The following RASSF4 variants were observed in gnomAD, a reference collection of about 807,000 sequenced individuals.
The protein encoded by RASSF4 is ras association domain-containing protein 4.
In RASSF4, 38 loss-of-function variants were observed where a neutral mutation model predicts 41.1. The ratio of observed to expected loss-of-function variants is 0.92; its 90% CI spans 0.71 to 1.21. RASSF4 has a LOEUF of 1.21. Among genes scored for constraint, RASSF4 ranks in the 50% most tolerant of loss-of-function variants. The pLI, the probability that RASSF4 is intolerant of heterozygous loss-of-function variation, is 0.00. For missense variants in RASSF4, 414 were observed against 419.4 expected (o/e 0.99, Z 0.11); for synonymous variants, 179 against 163.4 (o/e 1.10, Z -0.73).
At chr10:44,973,853 G>A (rs1272467300) in intron 3 of RASSF4, among the ~76,000 whole-genome samples, 1 of 152,232 alleles carries the variant, frequency 6.6e-6, no homozygotes, top group Non-Finnish European at 1.5e-5. Context: ...CTCGGGCTGG[G>A]AAGAGGTGTT....
At chr10:44,991,271 G>C (rs1842101944) in intron 9 of RASSF4, 1 of 447,962 alleles carries the variant, frequency 2.2e-6, no homozygotes. Flanking sequence ...GCAGCTTAGG[G>C]GAAAGAAGAA....
intron 3 of RASSF4, chr10:44,977,497 C>A (rs757466995): frequency 4.3e-6 from 7 of 1,613,248 alleles, no homozygotes; most frequent in Non-Finnish European, 5.9e-6. Context: ...GCCCAAAAGT[C>A]CAGCTTCTTA....
chr10:44,993,852 A>G lies in RASSF4; in HGVS notation c.*523A>G, dbSNP rs912078384. ...AGTGTCCCCGGCTTCTAAGCCTCCAATATCACCCTGTGAGCCTCGCACAGC... is the reference window on the plus strand; with the variant it reads ...AGTGTCCCCGGCTTCTAAGCCTCCAGTATCACCCTGTGAGCCTCGCACAGC... On this transcript the variant is annotated 3_prime_UTR_variant, in exon 11 of 11. Transcript: ENST00000340258. 13 of 156,264 alleles carry G rather than the reference A, an allele frequency of 8.3e-5. 1 individual carries two copies. Among genetic ancestry groups the G allele is most frequent in the Admixed American group, 6.2e-4 (10 of 16,220 alleles). 9.7% of individuals were successfully genotyped at this position (156,264 alleles called of 1,614,324 possible). A position where few individuals can be genotyped will look rare whatever the true frequency, so the allele number is the denominator to read the frequency against.
chr10:44,974,019 G>T (rs532135824), intron 3 of RASSF4, among the ~76,000 whole-genome samples: 296 of 152,188 alleles, frequency 1.9e-3, no homozygotes, highest in African/African-American at 6.7e-3. Context: ...TACCGGTACC[G>T]GCCTGAAGAA....
rs1049272426 is a variant in RASSF4 at position 44,982,621 on chromosome 10, T to C, written c.239T>C (p.Leu80Pro). 1.2e-6 allele frequency: 2 copies of C among 1,612,980 alleles called. No individual in the cohort carries two copies. Among genetic ancestry groups the C allele is most frequent in the African/African-American group, 1.3e-5 (1 of 74,856 alleles). The stretch of plus-strand genomic sequence containing the variant: ...CAGGATGACCGGGAGCAGGTGCACC[T>C]CCCCTCCACCTCATGGATGCCCAGA... ...QMQDDREQVH[L>P]PSTSWMPRRP... is the part of the protein sequence containing the mutation. Residue 80 changes from leucine (L) to proline (P), a missense_variant, in exon 4 of 11, where the codon CTC (leucine) becomes CCC (proline). Transcript: ENST00000340258.
rs886668357 is a variant in RASSF4, at chr10:44,974,927, C to T, written c.138+3079C>T. On this transcript the variant is annotated intron_variant, in intron 3 of 10. Coordinates refer to ENST00000340258, the MANE Select transcript of RASSF4 (RefSeq NM_032023.4). ...CCTGAGCAACGGGGAACAATCTGTG[C>T]CTTTTGAAGATGGCAAAGGGCTTTA... 3.9e-5 allele frequency among the ~76,000 whole-genome samples: 6 copies of T among 152,338 alleles called. No individual in the cohort carries two copies. In the East Asian group the frequency reaches 1.2e-3, roughly 29 times the overall value.
intron 1 of RASSF4, among the ~76,000 whole-genome samples, chr10:44,963,197 C>T (rs1840772944): frequency 6.6e-6 from 1 of 152,040 alleles, no homozygotes; most frequent in East Asian, 1.9e-4. Flanking sequence ...GTGAGTTGAG[C>T]CAGAGGGATG....
In RASSF4 at chr10:44,991,027, C is replaced by T; in HGVS notation, c.765C>T (p.Ile255=). Residue 255 remains isoleucine, a synonymous_variant, in exon 9 of 11, where the codon ATC becomes ATT. Transcript: ENST00000340258. ...GGCCATGTGAGAAGATCGCCAGGAT[C>T]TTCCTGATGGAAGCTGACTTGGGCG... ...LHGPCEKIAR[I]FLMEADLGVE... 2 of 1,613,886 alleles carry T rather than the reference C, an allele frequency of 1.2e-6. No individual in the cohort carries two copies. The highest frequency in any genetic ancestry group is 1.7e-6 in the Non-Finnish European group (2 of 1,179,802).
At chr10:44,967,614 T>C (rs1840955165) in intron 1 of RASSF4, among the ~76,000 whole-genome samples, 2 of 152,260 alleles carry the variant, frequency 1.3e-5, no homozygotes, top group African/African-American at 4.8e-5. Flanking sequence ...ATATTATTTA[T>C]TCCTGCTGTA....
In RASSF4 at chr10:44,988,670, C is replaced by T. The variant is rs146749551; in HGVS notation, c.532-604C>T. Among the ~76,000 whole-genome samples, 31 of 152,336 alleles carry T rather than the reference C, an allele frequency of 2.0e-4. 1 individual carries two copies. In the East Asian group the frequency reaches 4.4e-3, roughly 22 times the overall value. ...ATCGCTTCGCCTTGTGTTCTACAGACGCAGACTCTGATTCAGATGGTATGG... is the reference window on the plus strand; with the variant it reads ...ATCGCTTCGCCTTGTGTTCTACAGATGCAGACTCTGATTCAGATGGTATGG... On this transcript the variant is annotated intron_variant, in intron 6 of 10. Coordinates refer to ENST00000340258, the MANE Select transcript of RASSF4 (RefSeq NM_032023.4).
chr10:44,989,720 G>C lies in RASSF4; in HGVS notation c.684G>C (p.Gly228=), dbSNP rs753413115. The change falls in exon 8 of 11, where the codon GGG becomes GGC. Residue 228 remains glycine (G), a splice_region_variant and synonymous_variant. Coordinates refer to ENST00000340258, the MANE Select transcript of RASSF4 (RefSeq NM_032023.4). ...EFALYIVHES[G]ERTKLKDCEY... ...CACTCTACATCGTTCACGAGTCTGG[G>C]GGTAAGTACCTGCCCCACTTCTGGA... 2 of 1,613,948 alleles carry C rather than the reference G, an allele frequency of 1.2e-6. No individual in the cohort carries two copies. Among genetic ancestry groups the C allele is most frequent in the Admixed American group, 1.7e-5 (1 of 60,024 alleles).
chr10:44,982,463 G>A (rs760388706), intron 3 of RASSF4, 58 bp from the exon 4 acceptor site: 10 of 1,588,922 alleles, frequency 6.3e-6, no homozygotes, highest in Non-Finnish European at 7.7e-6. Context: ...ATCCCTAGGG[G>A]GCACAGGGAA....
intron 3 of RASSF4, among the ~76,000 whole-genome samples, chr10:44,973,092 C>CA (rs748268028): frequency 1.3e-5 from 2 of 152,178 alleles, no homozygotes; most frequent in African/African-American, 2.4e-5. Flanking sequence ...AGGCATGGTA[C>CA]AAACCTCACA....
chr10:44,991,995 A>C lies in RASSF4; in HGVS notation c.898A>C (p.Thr300Pro). The C allele has an allele frequency of 3.1e-6, 5 of 1,599,692 alleles. No individual in the cohort carries two copies. The highest frequency in any genetic ancestry group is 4.3e-6 in the Non-Finnish European group (5 of 1,167,120). The change falls in exon 10 of 11, where the codon ACC becomes CCC. Residue 300 changes from threonine (T) to proline (P), a missense_variant. Physicochemically the swap from Thr to Pro is conservative, Grantham distance 38. Coordinates refer to ENST00000340258, the MANE Select transcript of RASSF4 (RefSeq NM_032023.4). ...GGAAGAAAGAGAAATAATCAAACTGACCATGAAGTAAGCAGCACTTAAACA... is the reference window on the plus strand; with the variant it reads ...GGAAGAAAGAGAAATAATCAAACTGCCCATGAAGTAAGCAGCACTTAAACA... ...EEEEREIIKL[T>P]MKFQALRLTM...
chr10:44,991,936 T>C lies in RASSF4; in HGVS notation c.839T>C (p.Val280Ala). The part of the protein sequence containing the change: ...VAQYIKFEMP[V>A]LDSFVEKLKE... ...CAGTACATTAAGTTTGAAATGCCGGTGCTGGACAGTTTTGTTGAAAAATTA... is the reference window on the plus strand; with the variant it reads ...CAGTACATTAAGTTTGAAATGCCGGCGCTGGACAGTTTTGTTGAAAAATTA... Residue 280 changes from valine (V) to alanine (A), a missense_variant, in exon 10 of 11, where the codon GTG becomes GCG. By Grantham distance (64) the Val-to-Ala change is moderately conservative (BLOSUM62 0). Transcript: ENST00000340258. The C allele has an allele frequency of 6.2e-7, 1 of 1,613,708 alleles. No individual in the cohort carries two copies. The highest frequency in any genetic ancestry group is 8.5e-7 in the Non-Finnish European group (1 of 1,179,600).
intron 1 of RASSF4, among the ~76,000 whole-genome samples, chr10:44,967,400 C>T (rs571447611): frequency 6.6e-6 from 1 of 152,346 alleles, no homozygotes; most frequent in East Asian, 1.9e-4. Flanking sequence ...AGCGACCACA[C>T]GGGCATTCCA....
chr10:44,989,827 C>A, intron 8 of RASSF4, 106 bp downstream of exon 8: 1 of 1,029,636 alleles, frequency 9.7e-7, no homozygotes, highest in Non-Finnish European at 1.5e-6. Flanking sequence ...AGATGGGCTC[C>A]GTGCTGGCTT....
rs1187939984 is a variant in RASSF4 at position 44,993,391 on chromosome 10, T to C, written c.*62T>C. The C allele has an allele frequency of 2.9e-6, 4 of 1,399,028 alleles. No homozygotes were observed. The highest frequency in any genetic ancestry group is 3.0e-6 in the Non-Finnish European group (3 of 1,016,724). The allele number at this position is 1,399,028 out of a possible 1,614,324, so 86.7% of individuals were successfully genotyped here. A position where few individuals can be genotyped will look rare whatever the true frequency, so the allele number is the denominator to read the frequency against. ...TGGCAGGTGTACACTGAGCCCTGGT[T>C]GCTGGCCCCGGCCGGTCACATTGAC... On this transcript the variant is annotated 3_prime_UTR_variant, in exon 11 of 11. Coordinates refer to ENST00000340258, the MANE Select transcript of RASSF4 (RefSeq NM_032023.4).
chr10:44,962,687 G>A (rs929296227), intron 1 of RASSF4, among the ~76,000 whole-genome samples: 3 of 152,186 alleles, frequency 2.0e-5, no homozygotes, highest in Admixed American at 6.5e-5. Context: ...CGTTTGGCCC[G>A]AAAACCATAG....
Sources: gnomAD v4.1 joint callset for allele counts (sites outside exome capture counted in the v4.1 genomes callset) on GRCh38, gnomAD v4.1.1 for gene constraint, MANE v1.5 for transcripts, NCBI Gene and HGNC (gene_info 2026-07-23, HGNC 2026-07-21) for gene names.